SVBP: variants seen among roughly 807,000 people sequenced by gnomAD.
SVBP encodes the protein small vasohibin binding protein.
Under a neutral mutation model 9.2 loss-of-function variants are expected in SVBP, and 9 were observed. The ratio of observed to expected loss-of-function variants is 0.98; its 90% confidence interval spans 0.59 to 1.71. The LOEUF (loss-of-function observed/expected upper bound fraction) is 1.71, where lower values mean the gene tolerates loss of function less well. Ranked by LOEUF, SVBP falls within the 40% of genes most tolerant of loss-of-function variation. The pLI, the probability that SVBP is intolerant of heterozygous loss-of-function variation, is 0.00. For missense variants in SVBP, 63 were observed against 73.2 expected, an observed-to-expected ratio of 0.86 and a Z score of 0.51; for synonymous variants, 27 against 23.9, an observed-to-expected ratio of 1.13 and a Z score of -0.37.
intron 2 of SVBP, among the ~76,000 whole-genome samples, chr1:42,808,336 A>G (rs961055688): frequency 4.1e-5 from 6 of 144,774 alleles, no homozygotes; most frequent in South Asian, 2.1e-4. Context: ...TCAGCCTCCC[A>G]AAGTGTATAC....
chr1:42,814,055 C>T (rs990149541), intron 2 of SVBP, among the ~76,000 whole-genome samples: 5 of 151,756 alleles, frequency 3.3e-5, no homozygotes, highest in East Asian at 3.9e-4. Flanking sequence ...TCAAATTCCT[C>T]GAACAGTGCC....
chr1:42,813,502 T>C, intron 2 of SVBP: 2 of 545,786 alleles, frequency 3.7e-6, no homozygotes, highest in Non-Finnish European at 7.4e-6. Flanking sequence ...TCTGGATGGT[T>C]TCGATCCAAT....
At chr1:42,808,145 G>GTATATATA (rs1386047684) in intron 2 of SVBP, among the ~76,000 whole-genome samples, 2 of 50,812 alleles carry the variant, frequency 3.9e-5, no homozygotes, top group African/African-American at 9.0e-5. Context: ...GTGTGTGTGT[G>GTATATATA]TGTGTATATA....
chr1:42,815,223 TG>T (rs1164068741), intron 2 of SVBP, among the ~76,000 whole-genome samples: 1 of 63,996 alleles, frequency 1.6e-5, no homozygotes, highest in African/African-American at 6.5e-5. Flanking sequence ...TGTTGTGGGG[TG>T]GGGGGAGGGG....
chr1:42,808,124 A>C (rs2124239807), intron 2 of SVBP, among the ~76,000 whole-genome samples: 2 of 131,082 alleles, frequency 1.5e-5, no homozygotes, highest in East Asian at 2.6e-4. Context: ...CAGGGGAGCA[A>C]TGTGAATATA....
At chr1:42,814,409 TA>T (rs1654152108) in intron 2 of SVBP, among the ~76,000 whole-genome samples, 1 of 151,230 alleles carries the variant, frequency 6.6e-6, no homozygotes, top group Non-Finnish European at 1.5e-5. Flanking sequence ...TAACAAAAAT[TA>T]AAAGTTGACA....
At chr1:42,811,795 T>A (rs1444700190) in intron 2 of SVBP, among the ~76,000 whole-genome samples, 1 of 152,154 alleles carries the variant, frequency 6.6e-6, no homozygotes, top group Non-Finnish European at 1.5e-5. Flanking sequence ...ATGGAGGAGC[T>A]GAGATTTGAA....
chr1:42,810,892 C>T (rs1454965234), intron 2 of SVBP, among the ~76,000 whole-genome samples: 2 of 152,138 alleles, frequency 1.3e-5, no homozygotes, highest in East Asian at 1.9e-4. Context: ...GTAATCCCAG[C>T]ACTTTGGGAG....
intron 2 of SVBP, chr1:42,808,977 G>C (rs1654025527): frequency 6.6e-6 from 1 of 152,428 alleles, no homozygotes. Flanking sequence ...GATTACAGGC[G>C]TGAGCCACTG....
intron 2 of SVBP, among the ~76,000 whole-genome samples, chr1:42,812,031 A>G (rs1452043467): frequency 2.0e-5 from 3 of 152,068 alleles, no homozygotes; most frequent in Non-Finnish European, 1.5e-5. Context: ...TACTAAAGAC[A>G]ATATCCTTGG....
chr1:42,816,340 G>A (rs940577284), intron 2 of SVBP, 91 bp downstream of exon 2: 15 of 931,300 alleles, frequency 1.6e-5, no homozygotes, highest in African/African-American at 4.9e-5. Context: ...GGCAAGTATG[G>A]CTCGCTGTCA....
rs566035066 is a variant in SVBP at position 42,814,875 on chromosome 1, CCCAAAGGAT to C, written c.114+1547_114+1555del. 1.0e-3 allele frequency among the ~76,000 whole-genome samples: 157 copies of C among 152,214 alleles called. 1 individual carries two copies. The highest frequency in any genetic ancestry group is 6.8e-3 in the Middle Eastern group (2 of 294). ...CAGCCATCCCATTACTGGGTATATA[CCCAAAGGAT>C]TATAAACCATGCTGCTATAAAGACA... On this transcript the variant is annotated intron_variant, in intron 2 of 2. Coordinates refer to ENST00000372521, the MANE Select transcript of SVBP (RefSeq NM_199342.4).
rs1374915301 is a variant in SVBP, at chr1:42,817,315, G to A, written c.-162C>T. ...CTGCCTGCCCACCGCCCCTCGTCCTGGGCGGGGCCGCGCGCCGGGGGGAGG... is the reference window on the plus strand; with the variant it reads ...CTGCCTGCCCACCGCCCCTCGTCCTAGGCGGGGCCGCGCGCCGGGGGGAGG... On this transcript the variant is annotated 5_prime_UTR_variant, in exon 1 of 3. Coordinates refer to ENST00000372521, the MANE Select transcript of SVBP (RefSeq NM_199342.4). 4 of 1,151,288 alleles carry A rather than the reference G, an allele frequency of 3.5e-6. No individual in the cohort carries two copies. Among genetic ancestry groups the A allele is most frequent in the Admixed American group, 3.1e-5 (1 of 32,512 alleles). 71.3% of individuals were successfully genotyped at this position (1,151,288 alleles called of 1,614,324 possible). A position where few individuals can be genotyped will look rare whatever the true frequency, so the allele number is the denominator to read the frequency against.
intron 2 of SVBP, chr1:42,816,162 TATC>T: frequency 2.6e-6 from 1 of 384,556 alleles, no homozygotes; most frequent in Admixed American, 4.6e-5. Flanking sequence ...TCCCCTTACA[TATC>T]ATTTTTTTTC....
At chr1:42,813,894 A>AG (rs540748244) in intron 2 of SVBP, 2 of 255,232 alleles carry the variant, frequency 7.8e-6, no homozygotes, top group African/African-American at 2.3e-5. Context: ...CACAGCTCTC[A>AG]GGGGGTCTGC....
intron 2 of SVBP, chr1:42,813,720 T>C (rs1654129565): frequency 1.9e-6 from 1 of 532,284 alleles, no homozygotes; most frequent in African/African-American, 1.9e-5. Context: ...AGAGCTCCCT[T>C]GGCTATATCA....
intron 2 of SVBP, chr1:42,813,386 T>C (rs1654121392): frequency 2.0e-6 from 1 of 510,726 alleles, no homozygotes. Flanking sequence ...GTCTGTTGTG[T>C]TTGAACACCA....
At chr1:42,814,674 T>C (rs2124252689) in intron 2 of SVBP, among the ~76,000 whole-genome samples, 1 of 152,118 alleles carries the variant, frequency 6.6e-6, no homozygotes, top group Middle Eastern at 3.4e-3. Flanking sequence ...TGAGATACCA[T>C]CTCACACCAG....
In SVBP at chr1:42,809,738, G is replaced by A. The variant is rs188594682; in HGVS notation, c.115-2238C>T. 4.7e-4 allele frequency among the ~76,000 whole-genome samples: 71 copies of A among 152,096 alleles called. No individual in the cohort carries two copies. In the East Asian group the frequency reaches 6.9e-3, roughly 15 times the overall value. ...AAATGATTCTTGAAACACAGAATGC[G>A]GCTGATGAAACTAGTAAATTTTATG... On this transcript the variant is annotated intron_variant, in intron 2 of 2. Transcript: ENST00000372521.
Sources: allele counts gnomAD v4.1 joint callset (sites outside exome capture counted in the v4.1 genomes callset), GRCh38; gene constraint gnomAD v4.1.1; transcripts MANE v1.5; gene names NCBI Gene and HGNC (gene_info 2026-07-23, HGNC 2026-07-21).